The following ZFYVE28 variants were observed in gnomAD, a reference collection of about 807,000 sequenced individuals.
ZFYVE28 encodes the protein lateral signaling target protein 2 homolog.
A neutral mutation model predicts 82.1 loss-of-function variants in ZFYVE28; 40 were observed. That is an observed-to-expected ratio of 0.49 (90% CI 0.38 to 0.63). The LOEUF is 0.63. Among genes scored for constraint, ZFYVE28 ranks in the 30% least tolerant of loss-of-function variants. The pLI is 0.00. For synonymous variants in ZFYVE28, 612 were observed against 546.1 expected (o/e 1.12, Z -1.68); for missense variants, 1,321 against 1,242.1 (o/e 1.06, Z -0.96).
rs770677219 is a variant in ZFYVE28, at chr4:2,353,965, T to C, written c.148A>G (p.Thr50Ala). The change falls in exon 2 of 13, where the codon ACG (threonine) becomes GCG (alanine). Residue 50 changes from threonine to alanine, a missense_variant. This residue lies in a region of ZFYVE28 where 343 missense variants were observed against 408.4 expected (regional missense o/e 0.84). Transcript: ENST00000290974. ...GAGCGGAACTGGCTGACCAGCAGCGTGCACCGCTGGGGGTCCTTCCGCCCA... is the reference window on the plus strand; with the variant it reads ...GAGCGGAACTGGCTGACCAGCAGCGCGCACCGCTGGGGGTCCTTCCGCCCA... ...LDGRKDPQRCTLLVSQFRSCQ... is the reference protein window; with the variant it reads ...LDGRKDPQRCALLVSQFRSCQ... 2 of 1,572,456 alleles carry C rather than the reference T, an allele frequency of 1.3e-6. No individual in the cohort carries two copies. Among genetic ancestry groups the C allele is most frequent in the Non-Finnish European group, 1.7e-6 (2 of 1,159,480 alleles).
At chr4:2,336,186 A>C (rs1472505884) in intron 5 of ZFYVE28, among the ~76,000 whole-genome samples, 2 of 152,178 alleles carry the variant, frequency 1.3e-5, no homozygotes, top group Non-Finnish European at 2.9e-5. Flanking sequence ...ACACGGAACA[A>C]AAATACTGCC....
chr4:2,296,925 C>T (rs1369254840), intron 8 of ZFYVE28, among the ~76,000 whole-genome samples: 3 of 152,216 alleles, frequency 2.0e-5, no homozygotes, highest in African/African-American at 7.2e-5. Context: ...GAGCTCCACA[C>T]TAGGGCCGGG....
At chr4:2,333,639 G>A (rs549736156) in intron 6 of ZFYVE28, among the ~76,000 whole-genome samples, 5 of 152,170 alleles carry the variant, frequency 3.3e-5, no homozygotes, top group Non-Finnish European at 7.4e-5. Context: ...ATGAGTGGGC[G>A]GGTGGCTTGG....
intron 1 of ZFYVE28, among the ~76,000 whole-genome samples, chr4:2,389,060 C>T (rs1216279695): frequency 6.6e-6 from 1 of 152,126 alleles, no homozygotes; most frequent in African/African-American, 2.4e-5. Context: ...GCTGATGAGT[C>T]CCTCCTCTGG....
At chr4:2,283,418 C>CCCAT (rs1217766811) in intron 8 of ZFYVE28, among the ~76,000 whole-genome samples, 1 of 137,594 alleles carries the variant, frequency 7.3e-6, no homozygotes, top group Admixed American at 7.2e-5. Flanking sequence ...CATCCACCCA[C>CCCAT]CCATCCATCC....
chr4:2,388,034 C>T (rs1729455283), intron 1 of ZFYVE28, among the ~76,000 whole-genome samples: 1 of 152,240 alleles, frequency 6.6e-6, no homozygotes, highest in Non-Finnish European at 1.5e-5. Context: ...TGACGGGCGG[C>T]TGGCCTCCCA....
chr4:2,388,032 G>A (rs755383818), intron 1 of ZFYVE28, among the ~76,000 whole-genome samples: 3 of 152,224 alleles, frequency 2.0e-5, no homozygotes, highest in Admixed American at 6.5e-5. Flanking sequence ...TGTGACGGGC[G>A]GCTGGCCTCC....
chr4:2,353,554 C>T (rs1316663793), intron 2 of ZFYVE28, among the ~76,000 whole-genome samples: 1 of 152,198 alleles, frequency 6.6e-6, no homozygotes, highest in Non-Finnish European at 1.5e-5. Context: ...GCAGCAGATG[C>T]TGGCAGCACC....
intron 1 of ZFYVE28, among the ~76,000 whole-genome samples, chr4:2,397,214 A>G (rs1560335037): frequency 6.6e-6 from 1 of 152,198 alleles, no homozygotes; most frequent in African/African-American, 2.4e-5. Context: ...GCTCACGCCT[A>G]TAATCCTAGC....
chr4:2,358,445 C>T (rs1006869880), intron 1 of ZFYVE28, among the ~76,000 whole-genome samples: 11 of 152,274 alleles, frequency 7.2e-5, no homozygotes, highest in Middle Eastern at 3.4e-3. Flanking sequence ...CAGGGACGGG[C>T]CTGATACTTG....
At chr4:2,384,511 G>A (rs1200480722) in intron 1 of ZFYVE28, among the ~76,000 whole-genome samples, 1 of 152,188 alleles carries the variant, frequency 6.6e-6, no homozygotes, top group Non-Finnish European at 1.5e-5. Context: ...GGGAGCAGGA[G>A]TGAGTTTAAG....
chr4:2,372,543 A>G lies in ZFYVE28; in HGVS notation c.40-18470T>C, dbSNP rs1171978322. 2.6e-5 allele frequency among the ~76,000 whole-genome samples: 4 copies of G among 151,960 alleles called. No homozygotes were observed. Among genetic ancestry groups the G allele is most frequent in the African/African-American group, 9.7e-5 (4 of 41,350 alleles). On this transcript the variant is annotated intron_variant, in intron 1 of 12. Coordinates refer to ENST00000290974, the MANE Select transcript of ZFYVE28 (RefSeq NM_020972.3). This position sits in a 1 kb window ranked among gnomAD's most constrained non-coding sequence, Gnocchi z 5.2. Reference sequence around the variant, plus strand: ...CCCCTCCAGCACGGCACCATGCCCTATCACCCCATCATGTGGGAGGGGTAC... The same window carrying G: ...CCCCTCCAGCACGGCACCATGCCCTGTCACCCCATCATGTGGGAGGGGTAC...
intron 4 of ZFYVE28, among the ~76,000 whole-genome samples, chr4:2,337,986 G>A (rs1722125025): frequency 6.6e-6 from 1 of 152,220 alleles, no homozygotes; most frequent in Non-Finnish European, 1.5e-5. Flanking sequence ...CCCTGCCCAT[G>A]CGGGACAGTT....
chr4:2,303,309 C>T (rs957439057), intron 8 of ZFYVE28, among the ~76,000 whole-genome samples: 4 of 152,206 alleles, frequency 2.6e-5, no homozygotes, highest in African/African-American at 9.6e-5. Context: ...CCCCCTTCCC[C>T]AGTGTGAGGA....
At chr4:2,291,726 G>T (rs946110066) in intron 8 of ZFYVE28, among the ~76,000 whole-genome samples, 5 of 152,172 alleles carry the variant, frequency 3.3e-5, no homozygotes, top group African/African-American at 4.8e-5. Context: ...AGCCCCCCTC[G>T]GAATGGCAGC....
At chr4:2,348,349 T>C (rs921786748) in intron 2 of ZFYVE28, among the ~76,000 whole-genome samples, 4 of 152,186 alleles carry the variant, frequency 2.6e-5, no homozygotes, top group Admixed American at 2.0e-4. Context: ...CAGTTCCAGA[T>C]AGATTAATAG....
chr4:2,354,442 G>A (rs1018903714), intron 1 of ZFYVE28, among the ~76,000 whole-genome samples: 1 of 150,206 alleles, frequency 6.7e-6, no homozygotes, highest in Non-Finnish European at 1.5e-5. Flanking sequence ...GACAAAAGCA[G>A]CTCTCAGGAA....
chr4:2,339,572 G>A lies in ZFYVE28; in HGVS notation c.402C>T (p.Ser134=). 6.2e-7 allele frequency: 1 copy of A among 1,612,704 alleles called. No homozygotes were observed. The highest frequency in any genetic ancestry group is 2.2e-5 in the East Asian group (1 of 44,808). ...GGAGGGCGCCCCGCACGTCCTCCAGGCTGCGCGTCAGCTCCTTGGCCAGCG... is the reference window on the plus strand; with the variant it reads ...GGAGGGCGCCCCGCACGTCCTCCAGACTGCGCGTCAGCTCCTTGGCCAGCG... ...MRPLAKELTR[S]LEDVRGALRD... The change falls in exon 4 of 13, where the codon AGC becomes AGT. Residue 134 remains serine (S), a synonymous_variant. Transcript: ENST00000290974. This position sits in a 1 kb window ranked among gnomAD's most constrained non-coding sequence, Gnocchi z 5.0.
chr4:2,412,349 G>T (rs1443674179), intron 1 of ZFYVE28, among the ~76,000 whole-genome samples: 1 of 152,158 alleles, frequency 6.6e-6, no homozygotes, highest in East Asian at 1.9e-4. Context: ...ACCACCCACT[G>T]GTTCTGCCAT....
Sources: allele counts gnomAD v4.1 joint callset (sites outside exome capture counted in the v4.1 genomes callset), GRCh38; gene constraint gnomAD v4.1.1; regional missense constraint gnomAD v4.1.1; non-coding constraint Gnocchi (gnomAD v3.1); transcripts MANE v1.5; gene names NCBI Gene and HGNC (gene_info 2026-07-23, HGNC 2026-07-21).